SLC43A2: variants seen among roughly 807,000 people sequenced by gnomAD.
SLC43A2 encodes the protein solute carrier family 43 member 2.
A neutral mutation model predicts 63.2 loss-of-function variants in SLC43A2; 38 were observed. The ratio of observed to expected loss-of-function variants is 0.60; its 90% CI spans 0.46 to 0.79. SLC43A2 has a LOEUF of 0.79. Ranked by LOEUF, SLC43A2 falls within the 30% of genes least tolerant of loss-of-function variation. The pLI is 0.00. For synonymous variants in SLC43A2, 322 were observed against 331.0 expected (o/e 0.97, Z 0.30); for missense variants, 644 against 756.2 (o/e 0.85, Z 1.74).
intron 2 of SLC43A2, among the ~76,000 whole-genome samples, chr17:1,623,887 C>T (rs958603957): frequency 1.3e-5 from 2 of 152,040 alleles, no homozygotes; most frequent in African/African-American, 4.8e-5. Flanking sequence ...CCAGGGTGTA[C>T]CCTCCTCTCC....
rs185602663 is a variant in SLC43A2 at position 1,615,916 on chromosome 17, G to A, written c.368+646C>T. On this transcript the variant is annotated intron_variant, in intron 3 of 13. Transcript: ENST00000301335. ...AAATTAGCTGGGTGTGGTGGCAGGC[G>A]CCTGTAATCCCAGCTACTCGGGAGG... Among the ~76,000 whole-genome samples, 965 of 150,512 alleles carry A rather than the reference G, an allele frequency of 6.4e-3. 10 individuals carry two copies. Among genetic ancestry groups the A allele is most frequent in the African/African-American group, 0.022 (895 of 41,046 alleles).
chr17:1,629,800 C>T (rs1035540315), upstream of SLC43A2, among the ~76,000 whole-genome samples: 1 of 152,214 alleles, frequency 6.6e-6, no homozygotes, highest in Non-Finnish European at 1.5e-5. Context: ...CGAGGGGGCT[C>T]CGGGTCCCCG....
chr17:1,623,866 C>T (rs981551549), intron 2 of SLC43A2, among the ~76,000 whole-genome samples: 2 of 150,264 alleles, frequency 1.3e-5, no homozygotes, highest in African/African-American at 4.9e-5. Context: ...CAGGGTGTAC[C>T]CTCCTCTCCT....
At position 1,606,186 on chromosome 17, in the gene SLC43A2, C is replaced by T. The variant is rs1906597862; in HGVS notation, c.501+7009G>A. Among the ~76,000 whole-genome samples, 1 of 151,618 alleles carries T rather than the reference C, an allele frequency of 6.6e-6. No homozygotes were observed. Among genetic ancestry groups the T allele is most frequent in the Non-Finnish European group, 1.5e-5 (1 of 67,976 alleles). ...GGACCCTCTCCTGGACCCTCCAGAG[C>T]TGGCCGGGGGCCACCGTGGGACCCT... On this transcript the variant is annotated intron_variant, in intron 5 of 13. Coordinates refer to ENST00000301335, the MANE Select transcript of SLC43A2 (RefSeq NM_152346.3). The surrounding 1 kb of genome is among the most constrained non-coding windows in gnomAD (Gnocchi z 4.7).
In SLC43A2 at chr17:1,585,179, T is replaced by G. The variant is rs558349810; in HGVS notation, c.1217+734A>C. The G allele has an allele frequency of 1.6e-3, 1,600 of 989,840 alleles. 3 individuals carry two copies. Among genetic ancestry groups the G allele is most frequent in the Middle Eastern group, 2.6e-3 (5 of 1,914 alleles). 61.3% of individuals were successfully genotyped at this position (989,840 alleles called of 1,614,324 possible). On this transcript the variant is annotated intron_variant, in intron 10 of 13. Coordinates refer to ENST00000301335, the MANE Select transcript of SLC43A2 (RefSeq NM_152346.3). ...TGGTCTTAGGAGCAAAATGGTCTGCTAGCCATTGTCTGTACACTTTCACCT... is the reference window on the plus strand; with the variant it reads ...TGGTCTTAGGAGCAAAATGGTCTGCGAGCCATTGTCTGTACACTTTCACCT...
chr17:1,590,714 G>A (rs554913374), intron 9 of SLC43A2, 88 bp downstream of exon 9: 8 of 1,502,380 alleles, frequency 5.3e-6, no homozygotes, highest in East Asian at 2.5e-5. Flanking sequence ...CGGCTGGCCC[G>A]GCTCAGCTTA....
intron 9 of SLC43A2, among the ~76,000 whole-genome samples, chr17:1,590,447 G>A (rs1033774562): frequency 1.1e-4 from 17 of 152,084 alleles, no homozygotes; most frequent in Non-Finnish European, 1.5e-5. Flanking sequence ...AGGACTTTGG[G>A]CTTGACCTGC....
intron 4 of SLC43A2, among the ~76,000 whole-genome samples, chr17:1,614,197 T>C (rs1907383103): frequency 1.3e-5 from 2 of 151,986 alleles, no homozygotes; most frequent in Admixed American, 6.6e-5. Context: ...GAGCTGAGAT[T>C]GCGCCATTGC....
intron 5 of SLC43A2, among the ~76,000 whole-genome samples, chr17:1,594,681 A>G (rs60483899): frequency 0.11 from 15,792 of 141,934 alleles, 1,079 homozygotes; most frequent in East Asian, 0.32. Flanking sequence ...TCCGCCTCCC[A>G]GGTTCACGCC....
intron 3 of SLC43A2, 70 bp from the exon 4 acceptor site, chr17:1,615,104 TTTTTG>T: frequency 6.4e-7 from 1 of 1,561,084 alleles, no homozygotes; most frequent in Non-Finnish European, 8.7e-7. Context: ...TTTGTTTTTG[TTTTTG>T]GTTTTTGGTT....
At chr17:1,599,243 A>G (rs935736073) in intron 5 of SLC43A2, among the ~76,000 whole-genome samples, 5 of 151,856 alleles carry the variant, frequency 3.3e-5, no homozygotes, top group Non-Finnish European at 5.9e-5. Flanking sequence ...GGGAGGCTGA[A>G]GCAGGAGGAT....
intron 5 of SLC43A2, among the ~76,000 whole-genome samples, chr17:1,602,918 C>G (rs1398469400): frequency 1.3e-5 from 2 of 151,588 alleles, no homozygotes; most frequent in South Asian, 2.1e-4. Flanking sequence ...GCCACCACAC[C>G]CGGCTAATTT....
intron 2 of SLC43A2, among the ~76,000 whole-genome samples, chr17:1,618,996 A>AC (rs1012954677): frequency 6.6e-6 from 1 of 151,434 alleles, no homozygotes; most frequent in Non-Finnish European, 1.5e-5. Context: ...AAAAAAACAA[A>AC]AAACAAACAA....
At chr17:1,621,071 C>T (rs1908109274) in intron 2 of SLC43A2, among the ~76,000 whole-genome samples, 1 of 152,164 alleles carries the variant, frequency 6.6e-6, no homozygotes. Context: ...TTGGTGTGGC[C>T]AGTGAGTGCC....
intron 9 of SLC43A2, chr17:1,586,928 T>TGGGGGCCCCCCCCCC: frequency 8.1e-7 from 1 of 1,232,912 alleles, no homozygotes; most frequent in Non-Finnish European, 1.1e-6. Flanking sequence ...TCCCTGACAA[T>TGGGGGCCCCCCCCCC]CCCCCCCACC....
chr17:1,592,472 C>T (rs1474024523), intron 6 of SLC43A2, among the ~76,000 whole-genome samples: 4 of 152,156 alleles, frequency 2.6e-5, no homozygotes, highest in African/African-American at 7.2e-5. Flanking sequence ...GCTCCCCAGT[C>T]CAGGGGCATG....
chr17:1,624,022 AC>A (rs1191804102), intron 2 of SLC43A2, among the ~76,000 whole-genome samples: 3 of 151,778 alleles, frequency 2.0e-5, no homozygotes, highest in Non-Finnish European at 4.4e-5. Flanking sequence ...GGGCCCGACC[AC>A]CCCCTGGAAT....
intron 5 of SLC43A2, among the ~76,000 whole-genome samples, chr17:1,610,387 C>T (rs548825652): frequency 3.1e-4 from 46 of 150,226 alleles, no homozygotes; most frequent in African/African-American, 9.6e-4. Flanking sequence ...CTCAGCCTCC[C>T]GAGGAGCTGG....
rs1003066373 is a variant in SLC43A2, at chr17:1,573,780, C to T, written c.*1824G>A. 3.3e-5 allele frequency: 5 copies of T among 152,140 alleles called. No individual in the cohort carries two copies. The highest frequency in any genetic ancestry group is 9.7e-5 in the African/African-American group (4 of 41,428). The allele number at this position is 152,140 out of a possible 1,614,324, so 9.4% of individuals were successfully genotyped here. A position where few individuals can be genotyped will look rare whatever the true frequency, so the allele number is the denominator to read the frequency against. On this transcript the variant is annotated 3_prime_UTR_variant, in exon 14 of 14. Transcript: ENST00000301335. ...GATTACAGGCGCACGCCACCACGCC[C>T]GATTAATGTTTATTTTTAGTACAGA...
Sources: gnomAD v4.1 joint callset for allele counts (sites outside exome capture counted in the v4.1 genomes callset) on GRCh38, gnomAD v4.1.1 for gene constraint, Gnocchi (gnomAD v3.1) non-coding constraint, MANE v1.5 for transcripts, NCBI Gene and HGNC (gene_info 2026-07-23, HGNC 2026-07-21) for gene names.